The following DIAPH2 variants were observed in gnomAD, a reference collection of about 807,000 sequenced individuals.
DIAPH2 encodes the protein diaphanous related formin 2.
A neutral mutation model predicts 92.7 loss-of-function variants in DIAPH2; 35 were observed. The observed-to-expected ratio is 0.38, with a 90% CI of 0.29 to 0.50. The LOEUF (loss-of-function observed/expected upper bound fraction) is 0.50, where lower values mean the gene tolerates loss of function less well. Ranked by LOEUF, DIAPH2 falls within the 20% of genes least tolerant of loss-of-function variation. The pLI is 0.94. For synonymous variants in DIAPH2, 301 were observed against 280.4 expected (o/e 1.07, Z -0.73); for missense variants, 701 against 819.5 (o/e 0.86, Z 1.77).
At chrX:97,221,166 GGTCATTGACTAAA>G (rs2067921696) in intron 22 of DIAPH2, among the ~76,000 whole-genome samples, 2 of 111,077 alleles carry the variant, frequency 1.8e-5, no homozygotes, top group African/African-American at 6.5e-5. Flanking sequence ...AGTTGAACTA[GGTCATTGACTAAA>G]GTCTTATTTT....
intron 19 of DIAPH2, among the ~76,000 whole-genome samples, chrX:97,080,778 A>G (rs2066737712): frequency 9.0e-6 from 1 of 111,434 alleles, no homozygotes; most frequent in South Asian, 3.8e-4. Flanking sequence ...AAGATTCTTC[A>G]ACTTCCCTCA....
At chrX:97,355,858 G>C (rs1332614075) in intron 24 of DIAPH2, among the ~76,000 whole-genome samples, 1 of 111,623 alleles carries the variant, frequency 9.0e-6, no homozygotes, top group Non-Finnish European at 1.9e-5. Flanking sequence ...GTTGAAATTT[G>C]CTCACCAATC....
At chrX:97,003,954 T>C (rs1338277344) in intron 17 of DIAPH2, among the ~76,000 whole-genome samples, 2 of 111,955 alleles carry the variant, frequency 1.8e-5, no homozygotes, top group Non-Finnish European at 3.8e-5. Flanking sequence ...TAATCTATTT[T>C]GATTTTTATA....
chrX:97,577,005 A>T (rs1161834250), intron 26 of DIAPH2, among the ~76,000 whole-genome samples: 1 of 111,862 alleles, frequency 8.9e-6, no homozygotes, highest in African/African-American at 3.2e-5. Flanking sequence ...TCTTCTAAGG[A>T]AGTATCTTTC....
At chrX:96,880,529 A>G (rs1483157933) in intron 4 of DIAPH2, among the ~76,000 whole-genome samples, 1 of 111,832 alleles carries the variant, frequency 8.9e-6, no homozygotes, top group African/African-American at 3.2e-5. Flanking sequence ...TCCTCTAATG[A>G]TAATACCTCT....
intron 4 of DIAPH2, among the ~76,000 whole-genome samples, chrX:96,810,897 T>C (rs2064674187): frequency 8.9e-6 from 1 of 111,968 alleles, no homozygotes; most frequent in African/African-American, 3.2e-5. Flanking sequence ...TTGGTACCAG[T>C]ACCATGCTGT....
chrX:97,599,558 A>C lies in DIAPH2; in HGVS notation c.*241A>C. The C allele has an allele frequency of 5.0e-6, 1 of 200,004 alleles. No homozygotes were observed. The highest frequency in any genetic ancestry group is 9.3e-6 in the Non-Finnish European group (1 of 107,848). 16.5% of individuals were successfully genotyped at this position (200,004 alleles called of 1,213,427 possible). On this transcript the variant is annotated 3_prime_UTR_variant, in exon 27 of 27. Coordinates refer to ENST00000324765, the MANE Select transcript of DIAPH2 (RefSeq NM_006729.5). ...GTTCCATTTTAGTGTAAAGATGTGT[A>C]TCATTTGTAATTGTGTGTGACCTGA... is the stretch of plus-strand genomic sequence containing the variant.
At chrX:96,903,323 A>G (rs1447243962) in intron 5 of DIAPH2, among the ~76,000 whole-genome samples, 3 of 111,580 alleles carry the variant, frequency 2.7e-5, no homozygotes, top group African/African-American at 9.7e-5. Flanking sequence ...TTTCATTTGC[A>G]GGGCTTATGG....
chrX:96,856,057 A>G (rs997244030), intron 4 of DIAPH2, among the ~76,000 whole-genome samples: 38 of 112,355 alleles, frequency 3.4e-4, no homozygotes, highest in African/African-American at 1.2e-3. Flanking sequence ...GATTAAGAAC[A>G]GAATGTTGAA....
chrX:97,354,191 C>T lies in DIAPH2; in HGVS notation c.3009+5911C>T, dbSNP rs566416329. On this transcript the variant is annotated intron_variant, in intron 24 of 26. Transcript: ENST00000324765. ...TGAATTCCTGGCTTCAACCATCTCT[C>T]GTCCGGACTATAATAATGACCTCCT... 4.5e-5 allele frequency among the ~76,000 whole-genome samples: 5 copies of T among 111,329 alleles called. No homozygotes were observed. In the South Asian group the frequency reaches 1.1e-3, roughly 26 times the overall value.
chrX:96,767,262 T>G (rs1468384140), intron 4 of DIAPH2, among the ~76,000 whole-genome samples: 1 of 110,861 alleles, frequency 9.0e-6, no homozygotes. Context: ...ATACTATGAG[T>G]CTTTGTATAT....
At chrX:97,010,716 TATC>T (rs1281953229) in intron 17 of DIAPH2, among the ~76,000 whole-genome samples, 1 of 112,233 alleles carries the variant, frequency 8.9e-6, no homozygotes, top group Non-Finnish European at 1.9e-5. Context: ...TTGTAAAAAT[TATC>T]ATACTGAACA....
At chrX:97,472,094 A>G (rs1243903072) in intron 26 of DIAPH2, among the ~76,000 whole-genome samples, 2 of 112,340 alleles carry the variant, frequency 1.8e-5, no homozygotes, top group Non-Finnish European at 3.8e-5. Context: ...TACCTCAAAT[A>G]AGTCTGATAA....
intron 26 of DIAPH2, among the ~76,000 whole-genome samples, chrX:97,446,882 A>G (rs181461150): frequency 9.1e-6 from 1 of 110,373 alleles, no homozygotes; most frequent in East Asian, 2.8e-4. Context: ...AAACTATGAA[A>G]GAAGCTCAAT....
At chrX:96,796,241 G>A (rs962971060) in intron 4 of DIAPH2, among the ~76,000 whole-genome samples, 1 of 111,547 alleles carries the variant, frequency 9.0e-6, no homozygotes, top group Non-Finnish European at 1.9e-5. Context: ...GTGCAGTGGC[G>A]TGATCTCAGC....
chrX:97,336,243 C>CTTTTTTTT (rs1186112131), intron 23 of DIAPH2, among the ~76,000 whole-genome samples: 2 of 91,744 alleles, frequency 2.2e-5, no homozygotes, highest in African/African-American at 4.0e-5. Flanking sequence ...CTTTTCTTTT[C>CTTTTTTTT]TTTTTTTTTT....
At chrX:97,389,547 C>T (rs1213706925) in intron 25 of DIAPH2, among the ~76,000 whole-genome samples, 7 of 109,519 alleles carry the variant, frequency 6.4e-5, no homozygotes, top group Admixed American at 3.9e-4. Flanking sequence ...GCAATTCCTA[C>T]GCTCCTCCAA....
intron 24 of DIAPH2, among the ~76,000 whole-genome samples, chrX:97,372,699 G>A (rs1003059764): frequency 4.5e-5 from 5 of 111,956 alleles, no homozygotes; most frequent in African/African-American, 1.3e-4. Flanking sequence ...AGCAGGGCGT[G>A]GTGGCTCAGG....
chrX:96,759,195 C>T lies in DIAPH2; in HGVS notation c.447+937C>T, dbSNP rs766944531. 5.4e-5 allele frequency among the ~76,000 whole-genome samples: 6 copies of T among 110,937 alleles called. No individual in the cohort carries two copies. In the Admixed American group the frequency reaches 5.7e-4, roughly 11 times the overall value. ...TTGACCATTGCAGAAAACAAGTCTT[C>T]ATTGAAAAAATATATTCTAAAGTTA... On this transcript the variant is annotated intron_variant, in intron 4 of 26. Coordinates refer to ENST00000324765, the MANE Select transcript of DIAPH2 (RefSeq NM_006729.5).
Sources: allele counts gnomAD v4.1 joint callset (sites outside exome capture counted in the v4.1 genomes callset), GRCh38; gene constraint gnomAD v4.1.1; transcripts MANE v1.5; gene names NCBI Gene and HGNC (gene_info 2026-07-23, HGNC 2026-07-21).